The following EGLN1 variants were observed in gnomAD, a reference collection of about 807,000 sequenced individuals.
EGLN1 encodes the protein egl-9 family hypoxia inducible factor 1.
A neutral mutation model predicts 38.3 loss-of-function variants in EGLN1; 17 were observed. The observed-to-expected ratio is 0.44, with a 90% CI of 0.30 to 0.67. EGLN1 has a LOEUF of 0.67. Ranked by LOEUF, EGLN1 falls within the 30% of genes least tolerant of loss-of-function variation. The pLI is 0.08. For missense variants in EGLN1, 477 were observed against 603.3 expected, an observed-to-expected ratio of 0.79 and a Z score of 2.19; for synonymous variants, 283 against 257.5, an observed-to-expected ratio of 1.10 and a Z score of -0.95.
At chr1:231,394,442 A>G (rs11576680) in intron 1 of EGLN1, among the ~76,000 whole-genome samples, 84,545 of 147,442 alleles carry the variant, frequency 0.57, 24,962 homozygotes, top group Non-Finnish European at 0.65. Flanking sequence ...GCAGTGGCGC[A>G]ATCTCGGCTC....
intron 1 of EGLN1, among the ~76,000 whole-genome samples, chr1:231,412,830 C>T (rs1403197979): frequency 6.6e-6 from 1 of 152,150 alleles, no homozygotes; most frequent in Non-Finnish European, 1.5e-5. Flanking sequence ...AGAAGAAAAG[C>T]AGAAGACTTA....
intron 1 of EGLN1, among the ~76,000 whole-genome samples, chr1:231,400,920 C>G (rs1191367218): frequency 3.9e-5 from 6 of 151,994 alleles, no homozygotes; most frequent in Non-Finnish European, 8.8e-5. Flanking sequence ...CATGCTGGTG[C>G]ACATCTGGAT....
chr1:231,366,498 A>T lies in EGLN1; in HGVS notation c.1217-23T>A, dbSNP rs111836138. 8,773 of 1,308,820 alleles carry T rather than the reference A, an allele frequency of 6.7e-3. 397 individuals are homozygous for T. In the African/African-American group the frequency reaches 0.11, roughly 17 times the overall value. 81.1% of individuals were successfully genotyped at this position (1,308,820 alleles called of 1,614,324 possible). A position where few individuals can be genotyped will look rare whatever the true frequency, so the allele number is the denominator to read the frequency against. ...CACCTGCAAGGTAAAAAAAAAAAAA[A>T]TTTTCATTCATTCACTAAGCACCAG... On this transcript the variant is annotated intron_variant, in intron 4 of 4. Coordinates refer to ENST00000366641, the MANE Select transcript of EGLN1 (RefSeq NM_022051.3).
chr1:231,418,743 G>C (rs1157833961), intron 1 of EGLN1, among the ~76,000 whole-genome samples: 1 of 151,852 alleles, frequency 6.6e-6, no homozygotes, highest in Non-Finnish European at 1.5e-5. Flanking sequence ...TGTGCCTACA[G>C]TCCCAGCTAC....
intron 1 of EGLN1, among the ~76,000 whole-genome samples, chr1:231,391,345 G>T (rs1303026116): frequency 6.6e-6 from 1 of 152,044 alleles, no homozygotes; most frequent in South Asian, 2.1e-4. Flanking sequence ...ATCTAGCAGA[G>T]ATTTAAAATA....
chr1:231,382,005 G>C (rs1688089517), intron 1 of EGLN1, among the ~76,000 whole-genome samples: 1 of 152,208 alleles, frequency 6.6e-6, no homozygotes, highest in African/African-American at 2.4e-5. Flanking sequence ...TCACTGTTAA[G>C]ACAGATATTC....
intron 1 of EGLN1, among the ~76,000 whole-genome samples, chr1:231,402,500 T>C (rs1688688112): frequency 6.6e-6 from 1 of 151,698 alleles, no homozygotes; most frequent in Non-Finnish European, 1.5e-5. Flanking sequence ...AGTGGTGCGA[T>C]CTCAGCTCAT....
At chr1:231,372,160 G>C (rs571604867) in intron 2 of EGLN1, among the ~76,000 whole-genome samples, 1 of 152,150 alleles carries the variant, frequency 6.6e-6, no homozygotes, top group African/African-American at 2.4e-5. Flanking sequence ...CTCTGAATTA[G>C]GTGGCCCTCC....
chr1:231,418,872 A>T lies in EGLN1; in HGVS notation c.891+2126T>A, dbSNP rs1045761594. Among the ~76,000 whole-genome samples, 28 of 152,184 alleles carry T rather than the reference A, an allele frequency of 1.8e-4. 1 individual carries two copies. The highest frequency in any genetic ancestry group is 2.2e-4 in the Non-Finnish European group (15 of 68,012). On this transcript the variant is annotated intron_variant, in intron 1 of 4. Transcript: ENST00000366641. Reference sequence around the variant, plus strand: ...GCAAGACCCTGTCTCCAAAAAAAAAAAAAAAAATACTCTGATTGTATCTGT... The same window carrying T: ...GCAAGACCCTGTCTCCAAAAAAAAATAAAAAAATACTCTGATTGTATCTGT...
intron 1 of EGLN1, among the ~76,000 whole-genome samples, chr1:231,400,572 C>T (rs2102925207): frequency 1.3e-5 from 2 of 152,248 alleles, no homozygotes; most frequent in African/African-American, 4.8e-5. Context: ...CTAACCTGCT[C>T]AAAAGATTTG....
rs1009733894 is a variant in EGLN1, at chr1:231,365,149, A to G, written c.*1262T>C. 3 of 152,228 alleles carry G rather than the reference A, an allele frequency of 2.0e-5. No individual in the cohort carries two copies. Among genetic ancestry groups the G allele is most frequent in the Non-Finnish European group, 4.4e-5 (3 of 68,050 alleles). 9.4% of individuals were successfully genotyped at this position (152,228 alleles called of 1,614,324 possible). On this transcript the variant is annotated 3_prime_UTR_variant, in exon 5 of 5. Transcript: ENST00000366641. ...TCAGTAACACCACACTTCAGTTTCA[A>G]TGTGTACATAATCTCCCCTTGATGC...
chr1:231,386,134 T>C (rs1688198972), intron 1 of EGLN1, among the ~76,000 whole-genome samples: 1 of 151,286 alleles, frequency 6.6e-6, no homozygotes, highest in South Asian at 2.1e-4. Context: ...TTTTCAATAA[T>C]AGCGTAACTC....
At chr1:231,400,540 T>C (rs570115195) in intron 1 of EGLN1, among the ~76,000 whole-genome samples, 13 of 152,142 alleles carry the variant, frequency 8.5e-5, no homozygotes, top group Non-Finnish European at 1.8e-4. Context: ...CAATACCATA[T>C]GTTATGATTT....
intron 1 of EGLN1, among the ~76,000 whole-genome samples, chr1:231,419,205 G>A (rs1192312259): frequency 6.6e-6 from 1 of 152,084 alleles, no homozygotes; most frequent in African/African-American, 2.4e-5. Flanking sequence ...ACAGTTACGT[G>A]ACTTAAAACC....
chr1:231,379,844 T>C (rs1490940784), intron 1 of EGLN1, among the ~76,000 whole-genome samples: 3 of 149,922 alleles, frequency 2.0e-5, no homozygotes, highest in South Asian at 2.1e-4. Flanking sequence ...CTGAACAGAA[T>C]AATGTTATTC....
chr1:231,396,303 G>T (rs1410443444), intron 1 of EGLN1, among the ~76,000 whole-genome samples: 1 of 150,244 alleles, frequency 6.7e-6, no homozygotes, highest in Non-Finnish European at 1.5e-5. Context: ...TGCCAGGCTG[G>T]AATGCAGTGG....
At chr1:231,390,548 G>A (rs1230295050) in intron 1 of EGLN1, among the ~76,000 whole-genome samples, 2 of 152,196 alleles carry the variant, frequency 1.3e-5, no homozygotes, top group African/African-American at 4.8e-5. Flanking sequence ...GATAGACTGT[G>A]AACCCAAGGT....
chr1:231,411,756 TG>T (rs1235500991), intron 1 of EGLN1, among the ~76,000 whole-genome samples: 1 of 151,978 alleles, frequency 6.6e-6, no homozygotes, highest in African/African-American at 2.4e-5. Context: ...CCCAGCACTT[TG>T]GGAGGCCTAG....
chr1:231,393,733 C>T (rs1688449932), intron 1 of EGLN1, among the ~76,000 whole-genome samples: 1 of 152,160 alleles, frequency 6.6e-6, no homozygotes, highest in South Asian at 2.1e-4. Flanking sequence ...TTCCAAATCT[C>T]ATCCTGCCTC....
Sources: gnomAD v4.1 joint callset for allele counts (sites outside exome capture counted in the v4.1 genomes callset) on GRCh38, gnomAD v4.1.1 for gene constraint, MANE v1.5 for transcripts, NCBI Gene and HGNC (gene_info 2026-07-23, HGNC 2026-07-21) for gene names.